The following KCNB2 variants were observed in gnomAD, a reference collection of about 807,000 sequenced individuals.
The protein encoded by KCNB2 is delayed rectifier potassium channel protein.
A neutral mutation model predicts 61.5 loss-of-function variants in KCNB2; 15 were observed. That is an observed-to-expected ratio of 0.24 (90% CI 0.16 to 0.38). KCNB2 has a LOEUF of 0.38. Ranked by LOEUF, KCNB2 falls within the 10% of genes least tolerant of loss-of-function variation. The probability of loss-of-function intolerance (pLI) is 1.00; values close to 1 mark genes in which losing one functional copy is unlikely to be tolerated. For missense variants in KCNB2, 828 were observed against 1,125.2 expected, an observed-to-expected ratio of 0.74 and a Z score of 3.78; for synonymous variants, 457 against 446.0, an observed-to-expected ratio of 1.02 and a Z score of -0.31.
intron 2 of KCNB2, among the ~76,000 whole-genome samples, chr8:72,850,375 A>T (rs1810079635): frequency 6.6e-6 from 1 of 152,162 alleles, no homozygotes; most frequent in South Asian, 2.1e-4. Context: ...GCCTGACACA[A>T]TGCCTAGCTA....
intron 1 of KCNB2, among the ~76,000 whole-genome samples, chr8:72,545,495 G>A (rs1039973136): frequency 1.6e-4 from 25 of 152,250 alleles, no homozygotes; most frequent in African/African-American, 5.5e-4. Flanking sequence ...GGGGCACCAC[G>A]AGTTGTGCCC....
At chr8:72,638,792 T>A (rs1035536458) in intron 2 of KCNB2, among the ~76,000 whole-genome samples, 1 of 152,176 alleles carries the variant, frequency 6.6e-6, no homozygotes, top group Admixed American at 6.6e-5. Context: ...CTGCTAAGCA[T>A]GTAGTTATTC....
chr8:72,568,337 G>A (rs368777298), intron 2 of KCNB2, 24 bp downstream of exon 2: 503 of 1,567,694 alleles, frequency 3.2e-4, no homozygotes, highest in Non-Finnish European at 3.9e-4. Flanking sequence ...AGTATTGCTT[G>A]CCTGTGTGTG....
chr8:72,730,665 C>T (rs953286140), intron 2 of KCNB2, among the ~76,000 whole-genome samples: 3 of 152,108 alleles, frequency 2.0e-5, no homozygotes, highest in East Asian at 1.9e-4. Flanking sequence ...GAATACTGAA[C>T]CTCCAAAGAT....
intron 2 of KCNB2, among the ~76,000 whole-genome samples, chr8:72,633,856 C>G (rs1233815728): frequency 2.0e-5 from 3 of 152,070 alleles, no homozygotes; most frequent in Admixed American, 6.6e-5. Flanking sequence ...ATAAACGTAC[C>G]CTGCTAGAGT....
At chr8:72,901,543 A>G (rs554027186) in intron 2 of KCNB2, among the ~76,000 whole-genome samples, 1 of 151,982 alleles carries the variant, frequency 6.6e-6, no homozygotes, top group African/African-American at 2.4e-5. Flanking sequence ...TCACTCCACT[A>G]TAATCTATGA....
chr8:72,558,728 T>C (rs920711195), intron 1 of KCNB2, among the ~76,000 whole-genome samples: 1 of 152,170 alleles, frequency 6.6e-6, no homozygotes, highest in African/African-American at 2.4e-5. Flanking sequence ...ACTTAGAATC[T>C]AGTGAAGAAG....
At chr8:72,659,645 ATTG>A (rs796830015) in intron 2 of KCNB2, among the ~76,000 whole-genome samples, 33 of 152,298 alleles carry the variant, frequency 2.2e-4, no homozygotes, top group African/African-American at 7.7e-4. Context: ...GGCGAACTTC[ATTG>A]TTGTCTTATT....
intron 2 of KCNB2, among the ~76,000 whole-genome samples, chr8:72,688,101 C>A (rs1035774993): frequency 6.6e-6 from 1 of 152,122 alleles, no homozygotes; most frequent in African/African-American, 2.4e-5. Context: ...CTGAGAGCAC[C>A]GCTGTATTTG....
Position 72,667,006 on chromosome 8 carries a change from T to TGTGAGAGAGA in KCNB2, c.579+98694_579+98695insTGAGAGAGAG, listed in dbSNP as rs141712140. On this transcript the variant is annotated intron_variant, in intron 2 of 2. Coordinates refer to ENST00000523207, the MANE Select transcript of KCNB2 (RefSeq NM_004770.3). Reference sequence around the variant, plus strand: ...ATAAGTGTGTGTGTGTGTGTGTGTGTGAGAGAGAGAGAGTGACAGAGAGGG... The same window carrying TGTGAGAGAGA: ...ATAAGTGTGTGTGTGTGTGTGTGTGTGTGAGAGAGAGAGAGAGAGAGAGTGACAGAGAGGG... 1.8e-3 allele frequency among the ~76,000 whole-genome samples: 268 copies of TGTGAGAGAGA among 147,924 alleles called. 3 individuals are homozygous for TGTGAGAGAGA. Among genetic ancestry groups the TGTGAGAGAGA allele is most frequent in the East Asian group, 9.4e-3 (45 of 4,790 alleles).
chr8:72,565,387 A>G (rs1191426377), intron 1 of KCNB2, among the ~76,000 whole-genome samples: 4 of 152,200 alleles, frequency 2.6e-5, no homozygotes, highest in Non-Finnish European at 5.9e-5. Context: ...AGTTCTAATT[A>G]TAAGGACCTC....
chr8:72,580,018 T>G (rs954626959), intron 2 of KCNB2, among the ~76,000 whole-genome samples: 8 of 152,218 alleles, frequency 5.3e-5, no homozygotes, highest in Non-Finnish European at 8.8e-5. Context: ...GTCTGCTATG[T>G]GCCATACACT....
chr8:72,620,661 T>C (rs1226130995), intron 2 of KCNB2, among the ~76,000 whole-genome samples: 1 of 152,134 alleles, frequency 6.6e-6, no homozygotes, highest in South Asian at 2.1e-4. Context: ...CAGGCTGGAG[T>C]GCAGTGGTGC....
At chr8:72,798,419 C>T (rs907776601) in intron 2 of KCNB2, among the ~76,000 whole-genome samples, 1 of 152,144 alleles carries the variant, frequency 6.6e-6, no homozygotes, top group Non-Finnish European at 1.5e-5. Context: ...TATCATCCTA[C>T]CATAGCACTC....
intron 2 of KCNB2, among the ~76,000 whole-genome samples, chr8:72,739,732 T>A (rs1217248014): frequency 6.6e-6 from 1 of 152,116 alleles, no homozygotes; most frequent in Non-Finnish European, 1.5e-5. Context: ...GCCAAAAGAT[T>A]TGGACTTTGT....
At chr8:72,689,301 C>G (rs2128989886) in intron 2 of KCNB2, among the ~76,000 whole-genome samples, 1 of 152,244 alleles carries the variant, frequency 6.6e-6, no homozygotes, top group East Asian at 1.9e-4. Flanking sequence ...AATGAATAGA[C>G]ACACAAGCAA....
chr8:72,703,530 T>C (rs1220050839), intron 2 of KCNB2, among the ~76,000 whole-genome samples: 1 of 152,160 alleles, frequency 6.6e-6, no homozygotes, highest in Non-Finnish European at 1.5e-5. Context: ...TTGGGTACAG[T>C]GTGTCCCATG....
chr8:72,850,221 AT>A (rs35897048), intron 2 of KCNB2, among the ~76,000 whole-genome samples: 100 of 12,154 alleles, frequency 8.2e-3, no homozygotes, highest in South Asian at 0.014. Flanking sequence ...GTGTGTGTGT[AT>A]GTGTGTGTGT....
At chr8:72,722,942 GAGCTCTGTCTTTTTCTCACCAGTCAC>G (rs1302457882) in intron 2 of KCNB2, among the ~76,000 whole-genome samples, 27 of 152,110 alleles carry the variant, frequency 1.8e-4, no homozygotes, top group Non-Finnish European at 5.9e-5. Flanking sequence ...TCATTAGAAA[GAGCTCTGTCTTTTTCTCACCAGTCAC>G]TTGAAAATTT....
Sources: gnomAD v4.1 joint callset for allele counts (sites outside exome capture counted in the v4.1 genomes callset) on GRCh38, gnomAD v4.1.1 for gene constraint, MANE v1.5 for transcripts, NCBI Gene and HGNC (gene_info 2026-07-23, HGNC 2026-07-21) for gene names.